The following DACH2 variants were observed in gnomAD, a reference collection of about 807,000 sequenced individuals.
DACH2 encodes dachshund family transcription factor 2.
A neutral mutation model predicts 35.8 loss-of-function variants in DACH2; 17 were observed. The ratio of observed to expected loss-of-function variants is 0.48; its 90% confidence interval spans 0.33 to 0.71. DACH2 has a LOEUF of 0.71. DACH2 is among the 30% of genes least tolerant of loss of function. DACH2 has a pLI of 0.02. For missense variants in DACH2, 469 were observed against 472.7 expected, an observed-to-expected ratio of 0.99 and a Z score of 0.07; for synonymous variants, 195 against 177.3, an observed-to-expected ratio of 1.10 and a Z score of -0.79.
At chrX:86,481,269 A>G (rs1344324392) in intron 2 of DACH2, 1 of 111,860 alleles carries the variant, frequency 8.9e-6, no homozygotes, top group Non-Finnish European at 1.9e-5. Flanking sequence ...CTTTCTCATT[A>G]GATTATGAAC....
chrX:86,742,155 T>C (rs1179791078), intron 7 of DACH2, among the ~76,000 whole-genome samples: 1 of 110,507 alleles, frequency 9.0e-6, no homozygotes, highest in African/African-American at 3.3e-5. Context: ...ATTCCATAGT[T>C]GTCTAAGAAT....
At position 86,252,504 on chromosome X, in the gene DACH2, T is replaced by C. The variant is rs961878981; in HGVS notation, c.488+103396T>C. Among the ~76,000 whole-genome samples the C allele has an allele frequency of 9.0e-5, 10 of 111,446 alleles. No individual in the cohort carries two copies. In the Admixed American group the frequency reaches 9.6e-4, roughly 11 times the overall value. The stretch of plus-strand genomic sequence containing the variant: ...TTAAATTTAAGTTCTTGATCGATCT[T>C]GAGTTGGTTTTTGTGTAAGTTGAGA... On this transcript the variant is annotated intron_variant, in intron 1 of 11. Coordinates refer to ENST00000373125, the MANE Select transcript of DACH2 (RefSeq NM_053281.3).
intron 2 of DACH2, chrX:86,480,913 A>G (rs1475969370): frequency 8.9e-6 from 1 of 112,212 alleles, no homozygotes; most frequent in Non-Finnish European, 1.9e-5. Context: ...CATGGAAAAT[A>G]GTATAAAATT....
chrX:86,318,752 G>A (rs113949801), intron 1 of DACH2, among the ~76,000 whole-genome samples: 128 of 111,589 alleles, frequency 1.1e-3, no homozygotes, highest in African/African-American at 3.9e-3. Context: ...GCACCCAAAA[G>A]CTAGGGATCA....
chrX:86,659,746 G>A (rs1446451099), intron 4 of DACH2, among the ~76,000 whole-genome samples: 1 of 111,724 alleles, frequency 9.0e-6, no homozygotes, highest in East Asian at 2.8e-4. Flanking sequence ...TTTCAAACAA[G>A]CATCCTCTCT....
chrX:86,503,773 G>T lies in DACH2; in HGVS notation c.528-10506G>T, dbSNP rs1369546833. ...GGGAAATATCACGCTTTTAGGAAAA[G>T]GTTGTCTTTTATAGAAAGGGTTTAT... On this transcript the variant is annotated intron_variant, in intron 2 of 11. Coordinates refer to ENST00000373125, the MANE Select transcript of DACH2 (RefSeq NM_053281.3). 3.6e-5 allele frequency among the ~76,000 whole-genome samples: 4 copies of T among 111,913 alleles called. No individual in the cohort carries two copies. In the East Asian group the frequency reaches 1.1e-3, roughly 31 times the overall value.
At chrX:86,529,187 G>A (rs1172484246) in intron 3 of DACH2, among the ~76,000 whole-genome samples, 1 of 111,247 alleles carries the variant, frequency 9.0e-6, no homozygotes, top group African/African-American at 3.3e-5. Flanking sequence ...AGGACTATAG[G>A]CACACACCAC....
At chrX:86,609,806 C>T (rs1308301831) in intron 3 of DACH2, among the ~76,000 whole-genome samples, 1 of 111,407 alleles carries the variant, frequency 9.0e-6, no homozygotes, top group Non-Finnish European at 1.9e-5. Flanking sequence ...CCTTCTCCCC[C>T]ACAAAATAGA....
At chrX:86,733,818 G>A in intron 6 of DACH2, among the ~76,000 whole-genome samples, 1 of 111,371 alleles carries the variant, frequency 9.0e-6, no homozygotes, top group South Asian at 3.8e-4. Context: ...AGTGGCATTA[G>A]CGTGTGAACA....
chrX:86,474,723 T>C (rs2037814447), intron 2 of DACH2, among the ~76,000 whole-genome samples: 1 of 111,682 alleles, frequency 9.0e-6, no homozygotes, highest in Non-Finnish European at 1.9e-5. Flanking sequence ...GTTCTGTTTG[T>C]TTTTTTGTTT....
chrX:86,767,029 A>G (rs899704762), intron 7 of DACH2, among the ~76,000 whole-genome samples: 70 of 112,137 alleles, frequency 6.2e-4, no homozygotes, highest in Non-Finnish European at 9.6e-4. Flanking sequence ...AGCAGAAACA[A>G]GTTTTTATGA....
chrX:86,677,261 A>G (rs893639987), intron 4 of DACH2, among the ~76,000 whole-genome samples: 10 of 112,127 alleles, frequency 8.9e-5, no homozygotes, highest in Non-Finnish European at 7.5e-5. Flanking sequence ...TTTACCTTAG[A>G]AAATACTGGT....
chrX:86,406,110 C>T (rs372689344), intron 2 of DACH2, among the ~76,000 whole-genome samples: 20 of 111,517 alleles, frequency 1.8e-4, no homozygotes, highest in South Asian at 3.8e-4. Flanking sequence ...GTTTGGGACA[C>T]GGCCAAATCA....
intron 1 of DACH2, among the ~76,000 whole-genome samples, chrX:86,192,002 C>A (rs751027592): frequency 9.0e-6 from 1 of 111,640 alleles, no homozygotes; most frequent in South Asian, 3.8e-4. Flanking sequence ...ACTTTAGTTC[C>A]TCTTTATTCT....
chrX:86,739,063 G>A (rs1417626325), intron 6 of DACH2, among the ~76,000 whole-genome samples: 1 of 110,054 alleles, frequency 9.1e-6, no homozygotes, highest in Non-Finnish European at 1.9e-5. Context: ...TAGTAGAGAC[G>A]CGGTTTCACC....
Position 86,812,948 on chromosome X carries a change from C to A in DACH2, c.1333C>A (p.Pro445Thr), listed in dbSNP as rs1303564495. 8.3e-7 allele frequency: 1 copy of A among 1,209,034 alleles called. No homozygotes were observed. Among genetic ancestry groups the A allele is most frequent in the Non-Finnish European group, 1.1e-6 (1 of 893,638 alleles). The change falls in exon 8 of 12, where the codon CCA (proline) becomes ACA (threonine). Residue 445 changes from proline (P) to threonine (T), a missense_variant. Transcript: ENST00000373125. ...GQALPAGFPG[P>T]FIFADSLSSV... Reference sequence around the variant, plus strand: ...GGCATTGCCCGCTGGATTCCCTGGACCATTCATTTTTGCTGATAGTCTGTC... The same window carrying A: ...GGCATTGCCCGCTGGATTCCCTGGAACATTCATTTTTGCTGATAGTCTGTC...
intron 7 of DACH2, among the ~76,000 whole-genome samples, chrX:86,768,469 C>T (rs1454525214): frequency 9.1e-6 from 1 of 110,483 alleles, no homozygotes; most frequent in Non-Finnish European, 1.9e-5. Context: ...TATGCAGATT[C>T]AAACCAAAGT....
At chrX:86,676,663 A>C (rs1234385231) in intron 4 of DACH2, among the ~76,000 whole-genome samples, 1 of 112,227 alleles carries the variant, frequency 8.9e-6, no homozygotes, top group Non-Finnish European at 1.9e-5. Flanking sequence ...CAGATAAAAA[A>C]CAAACAATTT....
At chrX:86,406,501 A>G (rs144199470) in intron 2 of DACH2, among the ~76,000 whole-genome samples, 101 of 112,090 alleles carry the variant, frequency 9.0e-4, no homozygotes, top group African/African-American at 3.2e-3. Flanking sequence ...TAGCCATTTA[A>G]CAAAGCTGCA....
Sources: allele counts gnomAD v4.1 joint callset (sites outside exome capture counted in the v4.1 genomes callset), GRCh38; gene constraint gnomAD v4.1.1; transcripts MANE v1.5; gene names NCBI Gene and HGNC (gene_info 2026-07-23, HGNC 2026-07-21).